CCDC33: variants seen among roughly 807,000 people sequenced by gnomAD.
CCDC33 encodes coiled-coil domain-containing protein 33.
In CCDC33, 94 loss-of-function variants were observed where a neutral mutation model predicts 91.9. That is an observed-to-expected ratio of 1.02 (90% CI 0.87 to 1.21). CCDC33 has a LOEUF of 1.21. CCDC33 is among the 50% of genes most tolerant of loss of function. The pLI, the probability that CCDC33 is intolerant of heterozygous loss-of-function variation, is 0.00. For missense variants in CCDC33, 940 were observed against 935.5 expected (o/e 1.00, Z -0.06); for synonymous variants, 396 against 374.5 (o/e 1.06, Z -0.66).
chr15:74,271,795 G>C lies in CCDC33; in HGVS notation c.638+1G>C, dbSNP rs369047254. On this transcript the variant is annotated splice_donor_variant, in intron 6 of 18. Coordinates refer to ENST00000398814, the MANE Select transcript of CCDC33 (RefSeq NM_025055.5). LOFTEE classifies it high-confidence loss of function. ...TCGTTCCCAACTACAAGGAATTTAA[G>C]TGAGTGGGGCCCAGGTGGACCTGGG... 1.8e-5 allele frequency: 29 copies of C among 1,613,534 alleles called. No homozygotes were observed. Among genetic ancestry groups the C allele is most frequent in the Non-Finnish European group, 2.4e-5 (28 of 1,179,530 alleles).
chr15:74,333,174 C>G (rs760679208), intron 16 of CCDC33: 1 of 1,448,550 alleles, frequency 6.9e-7, no homozygotes, highest in East Asian at 2.5e-5. Flanking sequence ...CCTTCTGGAG[C>G]ATTCCCTGGT....
At chr15:74,230,992 C>T (rs1228034363) in intron 2 of CCDC33, among the ~76,000 whole-genome samples, 1 of 152,212 alleles carries the variant, frequency 6.6e-6, no homozygotes, top group East Asian at 1.9e-4. Context: ...CCCACAAGAA[C>T]TAGGTGCAGC....
At chr15:74,329,594 C>T (rs2060383946) in intron 11 of CCDC33, among the ~76,000 whole-genome samples, 1 of 152,200 alleles carries the variant, frequency 6.6e-6, no homozygotes, top group African/African-American at 2.4e-5. Context: ...CTCCAGCCCC[C>T]AGCCCCACCT....
chr15:74,212,839 AC>A (rs1428585962), upstream of CCDC33: 4 of 151,844 alleles, frequency 2.6e-5, no homozygotes. Context: ...AGAAATCAAA[AC>A]CCCTTTTCCC....
intron 7 of CCDC33, among the ~76,000 whole-genome samples, chr15:74,279,325 A>G (rs2076529070): frequency 1.3e-5 from 2 of 152,212 alleles, no homozygotes; most frequent in Admixed American, 1.3e-4. Flanking sequence ...GGATCTGCTT[A>G]GGTTTTACTG....
chr15:74,228,757 G>A (rs946050547), intron 2 of CCDC33, among the ~76,000 whole-genome samples: 8 of 152,226 alleles, frequency 5.3e-5, no homozygotes, highest in South Asian at 2.1e-4. Context: ...ACGCCTCCCC[G>A]TGGGATTGTT....
intron 10 of CCDC33, among the ~76,000 whole-genome samples, chr15:74,287,826 G>A (rs2059507592): frequency 6.6e-6 from 1 of 152,150 alleles, no homozygotes; most frequent in Non-Finnish European, 1.5e-5. Context: ...AGCTTAGGAT[G>A]GGGCAGGAGA....
chr15:74,333,709 C>A (rs1200814477), intron 16 of CCDC33, among the ~76,000 whole-genome samples, 172 bp from the exon 17 acceptor site: 1 of 152,254 alleles, frequency 6.6e-6, no homozygotes, highest in Non-Finnish European at 1.5e-5. Flanking sequence ...ACATGCCAGA[C>A]CCTGTTCTGA....
At chr15:74,213,791 A>G (rs949985187), upstream of CCDC33, among the ~76,000 whole-genome samples, 1 of 152,010 alleles carries the variant, frequency 6.6e-6, no homozygotes, top group Non-Finnish European at 1.5e-5. Context: ...GGGGTGACGT[A>G]CCCCTGCGGG....
intron 2 of CCDC33, among the ~76,000 whole-genome samples, chr15:74,227,331 T>A (rs1272471569): frequency 6.6e-6 from 1 of 152,234 alleles, no homozygotes; most frequent in South Asian, 2.1e-4. Flanking sequence ...TTGCAAGCTG[T>A]TCCTTAGCCC....
intron 4 of CCDC33, 115 bp from the exon 5 acceptor site, chr15:74,268,227 G>A: frequency 1.3e-6 from 1 of 747,948 alleles, no homozygotes; most frequent in South Asian, 1.5e-5. Flanking sequence ...TATCAGCTCG[G>A]AGCCCCAGCG....
At chr15:74,209,353 A>C (rs1392918334) in intron 1 of CCDC33, 2 of 1,533,224 alleles carry the variant, frequency 1.3e-6, no homozygotes, top group Non-Finnish European at 1.7e-6. Flanking sequence ...GGAACCCCCT[A>C]CTTACCTCCA....
chr15:74,289,182 A>C (rs1436751410), intron 10 of CCDC33, among the ~76,000 whole-genome samples: 1 of 152,220 alleles, frequency 6.6e-6, no homozygotes, highest in African/African-American at 2.4e-5. Context: ...CAGGTGCTGA[A>C]GATAAACATC....
intron 2 of CCDC33, among the ~76,000 whole-genome samples, chr15:74,250,123 G>A (rs544142685): frequency 1.7e-4 from 26 of 152,118 alleles, no homozygotes; most frequent in African/African-American, 5.8e-4. Context: ...CCGGTCTCTC[G>A]GATTGAGCTG....
chr15:74,210,254 C>T (rs1372783715), intron 2 of CCDC33, among the ~76,000 whole-genome samples: 12 of 152,184 alleles, frequency 7.9e-5, no homozygotes, highest in African/African-American at 2.4e-4. Context: ...ATTCCCAAGG[C>T]CGTTTGTAAT....
At chr15:74,245,696 C>T (rs924071694) in intron 2 of CCDC33, among the ~76,000 whole-genome samples, 2 of 151,666 alleles carry the variant, frequency 1.3e-5, no homozygotes, top group Admixed American at 1.3e-4. Flanking sequence ...GTTCGGAGAG[C>T]CGGGCACACC....
intron 6 of CCDC33, 31 bp downstream of exon 6, chr15:74,271,825 G>A: frequency 6.3e-7 from 1 of 1,588,422 alleles, no homozygotes. Flanking sequence ...CCTGGGTGAG[G>A]AGGGCAGAGC....
chr15:74,277,284 T>C (rs563900324), intron 7 of CCDC33, among the ~76,000 whole-genome samples: 18 of 152,292 alleles, frequency 1.2e-4, no homozygotes, highest in African/African-American at 3.6e-4. Flanking sequence ...CAAGGGGTCC[T>C]AGATCCCTAG....
At chr15:74,277,409 G>A (rs2076477002) in intron 7 of CCDC33, among the ~76,000 whole-genome samples, 1 of 152,218 alleles carries the variant, frequency 6.6e-6, no homozygotes, top group Non-Finnish European at 1.5e-5. Context: ...AAGGCGGTGG[G>A]CGTGGAGGGG....
Sources: gnomAD v4.1 joint callset for allele counts (sites outside exome capture counted in the v4.1 genomes callset) on GRCh38, gnomAD v4.1.1 for gene constraint, MANE v1.5 for transcripts, NCBI Gene and HGNC (gene_info 2026-07-23, HGNC 2026-07-21) for gene names.